RAPGEF6: variants seen among roughly 807,000 people sequenced by gnomAD.
The protein encoded by RAPGEF6 is Rap guanine nucleotide exchange factor 6, also known as PDZ domain containing guanine nucleotide exchange factor (GEF) 2.
In RAPGEF6, 56 loss-of-function variants were observed where a neutral mutation model predicts 171.4. That is an observed-to-expected ratio of 0.33 (90% CI 0.26 to 0.41). RAPGEF6 has a LOEUF of 0.41. Ranked by LOEUF, RAPGEF6 falls within the 10% of genes least tolerant of loss-of-function variation. The pLI, the probability that RAPGEF6 is intolerant of heterozygous loss-of-function variation, is 1.00. For missense variants in RAPGEF6, 1,674 were observed against 1,921.4 expected (o/e 0.87, Z 2.41); for synonymous variants, 692 against 650.1 (o/e 1.06, Z -0.98).
rs551926727 is a variant in RAPGEF6 at position 131,450,186 on chromosome 5, G to A, written c.3200+2868C>T. The A allele has an allele frequency of 1.1e-3, 967 of 909,342 alleles. 2 individuals carry two copies. The highest frequency in any genetic ancestry group is 5.9e-3 in the African/African-American group (351 of 59,958). 56.3% of individuals were successfully genotyped at this position (909,342 alleles called of 1,614,324 possible). ...ATCAGGAAAAAATTACAGCTTAACAGTAAAATGACTTTAAATGGAAGGCAG... is the reference window on the plus strand; with the variant it reads ...ATCAGGAAAAAATTACAGCTTAACAATAAAATGACTTTAAATGGAAGGCAG... On this transcript the variant is annotated intron_variant, in intron 21 of 27. Transcript: ENST00000509018.
chr5:131,442,552 T>A lies in RAPGEF6; in HGVS notation c.3422-15A>T. ...ATTCTTGGTCACTAACAGGAGAGAGTAAGAAATAAGTAACTGCACGTTTTT... is the reference window on the plus strand; with the variant it reads ...ATTCTTGGTCACTAACAGGAGAGAGAAAGAAATAAGTAACTGCACGTTTTT... On this transcript the variant is annotated splice_polypyrimidine_tract_variant and intron_variant, in intron 22 of 27. Coordinates refer to ENST00000509018, the MANE Select transcript of RAPGEF6 (RefSeq NM_016340.6). The A allele has an allele frequency of 1.2e-6, 2 of 1,612,088 alleles. No individual in the cohort carries two copies. Among genetic ancestry groups the A allele is most frequent in the East Asian group, 4.5e-5 (2 of 44,846 alleles).
At chr5:131,509,157 A>G (rs943197882) in intron 8 of RAPGEF6, among the ~76,000 whole-genome samples, 2 of 152,244 alleles carry the variant, frequency 1.3e-5, no homozygotes, top group African/African-American at 4.8e-5. Flanking sequence ...CATCTTAAAG[A>G]TAACATTAAC....
In RAPGEF6 at chr5:131,429,131, C is replaced by T. The variant is rs558617328; in HGVS notation, c.4551G>A (p.Ala1517=). Residue 1517 remains alanine (A), a synonymous_variant, in exon 27 of 28, where the codon GCG becomes GCA. Coordinates refer to ENST00000509018, the MANE Select transcript of RAPGEF6 (RefSeq NM_016340.6). Reference sequence around the variant, plus strand: ...GTGTGTGGGGTCCTTCCTTTAGGTCCGCTAAAGAAATCCCCAAATATCCTG... The same window carrying T: ...GTGTGTGGGGTCCTTCCTTTAGGTCTGCTAAAGAAATCCCCAAATATCCTG... ...TPPGYLGISL[A]DLKEGPHTHL... The T allele has an allele frequency of 2.2e-5, 36 of 1,613,700 alleles. No homozygotes were observed. The highest frequency in any genetic ancestry group is 6.7e-5 in the African/African-American group (5 of 74,888).
chr5:131,559,623 G>A (rs1261635288), intron 5 of RAPGEF6, among the ~76,000 whole-genome samples: 2 of 151,850 alleles, frequency 1.3e-5, no homozygotes, highest in Admixed American at 6.6e-5. Context: ...AAGAGTTCGA[G>A]ATCAGCCTGT....
intron 7 of RAPGEF6, among the ~76,000 whole-genome samples, chr5:131,515,326 C>T (rs896210079): frequency 7.2e-5 from 11 of 152,100 alleles, no homozygotes; most frequent in African/African-American, 2.7e-4. Context: ...TCTTTCAGTC[C>T]AGGTTGACCC....
chr5:131,606,029 CAAAAA>C (rs1168486376), intron 1 of RAPGEF6, among the ~76,000 whole-genome samples: 6 of 70,588 alleles, frequency 8.5e-5, no homozygotes, highest in African/African-American at 5.2e-4. Context: ...GACTCCATCT[CAAAAA>C]AAAAAAAAAA....
chr5:131,515,823 C>A (rs1463895789), intron 7 of RAPGEF6, among the ~76,000 whole-genome samples: 1 of 151,972 alleles, frequency 6.6e-6, no homozygotes, highest in African/African-American at 2.4e-5. Context: ...GGGGCAGAAT[C>A]TAGAATGTGT....
chr5:131,590,925 CAA>C (rs1345996049), intron 4 of RAPGEF6, among the ~76,000 whole-genome samples: 20 of 151,970 alleles, frequency 1.3e-4, no homozygotes, highest in African/African-American at 4.8e-4. Context: ...CAGGGACTAA[CAA>C]TACAAATTCA....
At chr5:131,487,099 GT>G (rs1262848974) in intron 15 of RAPGEF6, among the ~76,000 whole-genome samples, 4 of 152,138 alleles carry the variant, frequency 2.6e-5, no homozygotes, top group Non-Finnish European at 5.9e-5. Context: ...GACCTTCACG[GT>G]TGAGTGTTAC....
At chr5:131,627,510 GA>G (rs1236507600) in intron 1 of RAPGEF6, among the ~76,000 whole-genome samples, 1 of 152,112 alleles carries the variant, frequency 6.6e-6, no homozygotes, top group East Asian at 1.9e-4. Flanking sequence ...CACTGAGAGG[GA>G]AATAAACATT....
intron 11 of RAPGEF6, among the ~76,000 whole-genome samples, chr5:131,501,075 G>C (rs778371282): frequency 6.6e-6 from 1 of 152,092 alleles, no homozygotes; most frequent in African/African-American, 2.4e-5. Context: ...GCTTGGCCTT[G>C]ACCTGAGGAT....
At chr5:131,543,636 C>T (rs1000611820) in intron 6 of RAPGEF6, among the ~76,000 whole-genome samples, 17 of 152,244 alleles carry the variant, frequency 1.1e-4, no homozygotes, top group Admixed American at 2.0e-4. Flanking sequence ...ATTACAATAT[C>T]GTCATTTTTA....
intron 1 of RAPGEF6, among the ~76,000 whole-genome samples, chr5:131,624,262 T>G (rs1440695384): frequency 6.6e-6 from 1 of 152,014 alleles, no homozygotes; most frequent in African/African-American, 2.4e-5. Context: ...AGAACTGGAG[T>G]CCAGATTTGA....
intron 14 of RAPGEF6, among the ~76,000 whole-genome samples, chr5:131,492,292 TAC>T (rs1756336440): frequency 6.6e-6 from 1 of 152,172 alleles, no homozygotes; most frequent in Admixed American, 6.5e-5. Context: ...TGCCAGCTTA[TAC>T]AGTTTCCTAA....
intron 12 of RAPGEF6, among the ~76,000 whole-genome samples, chr5:131,497,866 T>G (rs1223969088): frequency 6.6e-6 from 1 of 152,224 alleles, no homozygotes; most frequent in African/African-American, 2.4e-5. Context: ...CCATTAAATG[T>G]GCAAACATAT....
At chr5:131,485,367 T>C (rs1377501540) in intron 15 of RAPGEF6, among the ~76,000 whole-genome samples, 1 of 152,166 alleles carries the variant, frequency 6.6e-6, no homozygotes, top group Non-Finnish European at 1.5e-5. Context: ...ACATGAGGTG[T>C]GGGTCAGGTA....
intron 27 of RAPGEF6, among the ~76,000 whole-genome samples, chr5:131,428,689 C>T (rs1172337580): frequency 2.0e-5 from 3 of 151,882 alleles, no homozygotes; most frequent in African/African-American, 4.8e-5. Flanking sequence ...CAGGAACTCC[C>T]GACCTCAGGT....
intron 17 of RAPGEF6, among the ~76,000 whole-genome samples, chr5:131,469,986 T>C (rs1313144848): frequency 6.6e-6 from 1 of 152,130 alleles, no homozygotes; most frequent in African/African-American, 2.4e-5. Flanking sequence ...CTGTTACACA[T>C]GTCCTATAAT....
intron 4 of RAPGEF6, among the ~76,000 whole-genome samples, chr5:131,566,491 G>C (rs1183147230): frequency 6.6e-6 from 1 of 152,010 alleles, no homozygotes; most frequent in Non-Finnish European, 1.5e-5. Context: ...CTGTTATTCT[G>C]TTAACAATTT....
Sources: gnomAD v4.1 joint callset for allele counts (sites outside exome capture counted in the v4.1 genomes callset) on GRCh38, gnomAD v4.1.1 for gene constraint, MANE v1.5 for transcripts, NCBI Gene and HGNC (gene_info 2026-07-23, HGNC 2026-07-21) for gene names.